SDK1: variants seen among roughly 807,000 people sequenced by gnomAD.
The protein encoded by SDK1 is sidekick cell adhesion molecule 1.
Under a neutral mutation model 245.5 loss-of-function variants are expected in SDK1, and 157 were observed. The ratio of observed to expected loss-of-function variants is 0.64; its 90% CI spans 0.56 to 0.73. The LOEUF (loss-of-function observed/expected upper bound fraction) is 0.73. Ranked by LOEUF, SDK1 falls within the 30% of genes least tolerant of loss-of-function variation. The pLI is 0.00. For synonymous variants in SDK1, 1,647 were observed against 1,278.5 expected (o/e 1.29, Z -6.15); for missense variants, 3,583 against 3,002.3 (o/e 1.19, Z -4.52).
At chr7:3,591,464 G>C (rs1383100628) in intron 1 of SDK1, among the ~76,000 whole-genome samples, 1 of 152,242 alleles carries the variant, frequency 6.6e-6, no homozygotes, top group Non-Finnish European at 1.5e-5. Context: ...TCTGCACAGA[G>C]GTTTCGGCTT....
intron 7 of SDK1, among the ~76,000 whole-genome samples, chr7:3,955,402 A>T (rs1007765799): frequency 3.3e-5 from 5 of 152,128 alleles, no homozygotes; most frequent in African/African-American, 1.2e-4. Context: ...GGCTCACATG[A>T]TTAAATTGGG....
intron 2 of SDK1, among the ~76,000 whole-genome samples, chr7:3,626,790 C>A (rs1376421495): frequency 6.6e-6 from 1 of 152,160 alleles, no homozygotes; most frequent in African/African-American, 2.4e-5. Flanking sequence ...GTCAAATTCT[C>A]TGGGTCCCTT....
chr7:3,997,935 G>A (rs1784802979), intron 14 of SDK1, among the ~76,000 whole-genome samples: 1 of 152,230 alleles, frequency 6.6e-6, no homozygotes, highest in South Asian at 2.1e-4. Context: ...CAAGCAGTGA[G>A]AGCAGGCACT....
At chr7:3,983,944 A>G (rs1296422947) in intron 13 of SDK1, among the ~76,000 whole-genome samples, 1 of 152,202 alleles carries the variant, frequency 6.6e-6, no homozygotes, top group Non-Finnish European at 1.5e-5. Flanking sequence ...GTCCTCGGGC[A>G]CTGCCAGGCG....
intron 5 of SDK1, among the ~76,000 whole-genome samples, chr7:3,889,951 C>G (rs185245202): frequency 3.9e-5 from 6 of 152,202 alleles, no homozygotes; most frequent in Admixed American, 1.3e-4. Flanking sequence ...CTCCTCCTCA[C>G]TTTTGTGTAA....
chr7:3,321,395 G>A (rs1779798808), intron 1 of SDK1, among the ~76,000 whole-genome samples: 1 of 152,128 alleles, frequency 6.6e-6, no homozygotes, highest in Admixed American at 6.5e-5. Flanking sequence ...ACTTTGTCCT[G>A]TTGTACTACC....
At chr7:3,605,759 C>A (rs1324016866) in intron 1 of SDK1, among the ~76,000 whole-genome samples, 1 of 151,964 alleles carries the variant, frequency 6.6e-6, no homozygotes, top group African/African-American at 2.4e-5. Flanking sequence ...TTTTGCAAAT[C>A]TTTATTTTAG....
intron 14 of SDK1, among the ~76,000 whole-genome samples, chr7:3,994,761 C>G (rs1262986512): frequency 2.6e-5 from 4 of 152,104 alleles, no homozygotes; most frequent in African/African-American, 9.7e-5. Flanking sequence ...TTATCAAATC[C>G]ACTGCCCTGC....
At chr7:3,792,695 T>C (rs1491002690) in intron 4 of SDK1, among the ~76,000 whole-genome samples, 2 of 29,652 alleles carry the variant, frequency 6.7e-5, no homozygotes, top group Non-Finnish European at 1.0e-4. Context: ...CAGTCTCCCA[T>C]CCATCCATCC....
At position 4,161,815 on chromosome 7, in the gene SDK1, G is replaced by C. The variant is rs376337773; in HGVS notation, c.4759G>C (p.Ala1587Pro). The change falls in exon 32 of 45, where the codon GCG (alanine) becomes CCG (proline). Residue 1587 changes from alanine to proline, a missense_variant. Transcript: ENST00000404826. ...VPGEPPGSVS[A>P]TPHTTSSVLI... Reference sequence around the variant, plus strand: ...AGGAGAGCCCCCGGGATCTGTCTCAGCGACGCCACACACCACGTCCTCTGT... The same window carrying C: ...AGGAGAGCCCCCGGGATCTGTCTCACCGACGCCACACACCACGTCCTCTGT... The C allele has an allele frequency of 2.6e-5, 42 of 1,614,070 alleles. No individual in the cohort carries two copies. The highest frequency in any genetic ancestry group is 3.6e-5 in the Non-Finnish European group (42 of 1,180,020).
At position 3,497,800 on chromosome 7, in the gene SDK1, C is replaced by T. The variant is rs1782071961; in HGVS notation, c.299-121280C>T. 2.6e-5 allele frequency among the ~76,000 whole-genome samples: 4 copies of T among 152,282 alleles called. No homozygotes were observed. In the South Asian group the frequency reaches 8.3e-4, roughly 32 times the overall value. ...TTTCTTCCCAAAATAAAAACGCACACAATAATTTGACAGACAAACACTGTC... is the reference window on the plus strand; with the variant it reads ...TTTCTTCCCAAAATAAAAACGCACATAATAATTTGACAGACAAACACTGTC... On this transcript the variant is annotated intron_variant, in intron 1 of 44. Transcript: ENST00000404826.
At chr7:3,725,472 A>G (rs1778980892) in intron 4 of SDK1, among the ~76,000 whole-genome samples, 2 of 152,318 alleles carry the variant, frequency 1.3e-5, no homozygotes, top group East Asian at 1.9e-4. Context: ...AAAATTCTCT[A>G]TTCATAGTTA....
chr7:3,968,448 G>C (rs1782242756), intron 10 of SDK1, among the ~76,000 whole-genome samples: 1 of 152,166 alleles, frequency 6.6e-6, no homozygotes, highest in Middle Eastern at 3.2e-3. Flanking sequence ...AAACCACCTG[G>C]CAGCTTCTCG....
At chr7:4,143,044 G>A (rs967508558) in intron 28 of SDK1, among the ~76,000 whole-genome samples, 1 of 152,204 alleles carries the variant, frequency 6.6e-6, no homozygotes, top group Non-Finnish European at 1.5e-5. Flanking sequence ...AGGGAGTCCT[G>A]TTCTGAGGCA....
intron 14 of SDK1, among the ~76,000 whole-genome samples, chr7:4,007,245 C>T (rs1029404765): frequency 5.3e-5 from 8 of 152,114 alleles, no homozygotes; most frequent in African/African-American, 1.2e-4. Context: ...CCACTGTTAC[C>T]GGGGGCTGGT....
At chr7:3,487,314 G>T (rs1175135673) in intron 1 of SDK1, among the ~76,000 whole-genome samples, 1 of 151,886 alleles carries the variant, frequency 6.6e-6, no homozygotes, top group Non-Finnish European at 1.5e-5. Flanking sequence ...GGTATTTCTG[G>T]TATTCTCCCT....
chr7:3,637,293 C>T (rs1013941264), intron 2 of SDK1, among the ~76,000 whole-genome samples: 3 of 152,152 alleles, frequency 2.0e-5, no homozygotes, highest in African/African-American at 7.2e-5. Flanking sequence ...GACTGGGTTT[C>T]ACCATGTTGG....
In SDK1 at chr7:3,346,189, C is replaced by G. The variant is rs542825523; in HGVS notation, c.298+44305C>G. On this transcript the variant is annotated intron_variant, in intron 1 of 44. Coordinates refer to ENST00000404826, the MANE Select transcript of SDK1 (RefSeq NM_152744.4). The stretch of plus-strand genomic sequence containing the variant: ...TCAGACTCCTGTGCATGCACAAATG[C>G]TGCTCATAATAAAGCTGATTGTGCC... Among the ~76,000 whole-genome samples the G allele has an allele frequency of 1.4e-4, 21 of 152,266 alleles. 1 individual carries two copies. Among genetic ancestry groups the G allele is most frequent in the South Asian group, 1.0e-3 (5 of 4,812 alleles).
chr7:3,762,425 CA>C (rs375644179), intron 4 of SDK1, among the ~76,000 whole-genome samples: 21 of 152,218 alleles, frequency 1.4e-4, no homozygotes, highest in African/African-American at 5.1e-4. Context: ...TAGGTAAAAG[CA>C]AAAAACAACA....
Sources: gnomAD v4.1 joint callset for allele counts (sites outside exome capture counted in the v4.1 genomes callset) on GRCh38, gnomAD v4.1.1 for gene constraint, MANE v1.5 for transcripts, NCBI Gene and HGNC (gene_info 2026-07-23, HGNC 2026-07-21) for gene names.